The following CNTNAP5 variants were observed in gnomAD, a reference collection of about 807,000 sequenced individuals.
CNTNAP5 encodes the protein contactin associated protein family member 5.
A neutral mutation model predicts 150.2 loss-of-function variants in CNTNAP5; 72 were observed. The ratio of observed to expected loss-of-function variants is 0.48; its 90% CI spans 0.40 to 0.58. The LOEUF (loss-of-function observed/expected upper bound fraction) is 0.58. Among genes scored for constraint, CNTNAP5 ranks in the 20% least tolerant of loss-of-function variants. The pLI, the probability that CNTNAP5 is intolerant of heterozygous loss-of-function variation, is 0.00. For missense variants in CNTNAP5, 1,636 were observed against 1,626.2 expected (o/e 1.01, Z -0.10); for synonymous variants, 672 against 619.8 (o/e 1.08, Z -1.25).
intron 1 of CNTNAP5, among the ~76,000 whole-genome samples, chr2:124,212,794 T>G (rs1455745094): frequency 6.6e-6 from 1 of 151,074 alleles, no homozygotes; most frequent in Non-Finnish European, 1.5e-5. Flanking sequence ...TTCCTTAACT[T>G]AGGCTTGGCT....
At chr2:124,026,987 C>A (rs544923646) in intron 1 of CNTNAP5, among the ~76,000 whole-genome samples, 2 of 152,132 alleles carry the variant, frequency 1.3e-5, no homozygotes, top group Non-Finnish European at 2.9e-5. Flanking sequence ...TGTCTGTGGT[C>A]GGAAGTTTTG....
chr2:124,544,095 G>C (rs1695454605), intron 10 of CNTNAP5, among the ~76,000 whole-genome samples: 1 of 152,030 alleles, frequency 6.6e-6, no homozygotes, highest in African/African-American at 2.4e-5. Context: ...GAGTTGGCAA[G>C]TATCTTCCAC....
intron 1 of CNTNAP5, among the ~76,000 whole-genome samples, chr2:124,177,115 T>C (rs1685084645): frequency 6.6e-6 from 1 of 152,138 alleles, no homozygotes. Flanking sequence ...CCCAGATTGA[T>C]GGGACTATAG....
At chr2:124,904,149 C>T (rs1365289094) in intron 22 of CNTNAP5, among the ~76,000 whole-genome samples, 1 of 151,524 alleles carries the variant, frequency 6.6e-6, no homozygotes, top group Non-Finnish European at 1.5e-5. Flanking sequence ...CTGCACACAC[C>T]AGCTCCTGAC....
At chr2:124,616,500 C>T (rs867785815) in intron 12 of CNTNAP5, among the ~76,000 whole-genome samples, 42 of 152,292 alleles carry the variant, frequency 2.8e-4, no homozygotes, top group African/African-American at 9.6e-4. Context: ...ATCTTCTATT[C>T]AGCAGCTAAA....
At chr2:124,901,326 G>T (rs1237953939) in intron 21 of CNTNAP5, among the ~76,000 whole-genome samples, 1 of 151,480 alleles carries the variant, frequency 6.6e-6, no homozygotes, top group East Asian at 1.9e-4. Context: ...TTGCTCATCA[G>T]CTGTATTTGA....
chr2:124,304,652 A>T (rs957666312), intron 3 of CNTNAP5, among the ~76,000 whole-genome samples: 27 of 152,194 alleles, frequency 1.8e-4, no homozygotes, highest in African/African-American at 6.5e-4. Context: ...AAGAGACAAG[A>T]ACAGTGATGA....
intron 23 of CNTNAP5, 130 bp from the exon 24 acceptor site, chr2:124,913,962 G>T: frequency 1.6e-6 from 1 of 609,314 alleles, no homozygotes; most frequent in South Asian, 2.6e-5. Flanking sequence ...AGGTGGCAGA[G>T]TTGCGTTTGT....
intron 19 of CNTNAP5, among the ~76,000 whole-genome samples, chr2:124,852,033 A>C (rs2104704262): frequency 6.6e-6 from 1 of 152,302 alleles, no homozygotes; most frequent in South Asian, 2.1e-4. Context: ...AAAGGAGTTA[A>C]GAGCTCTGAG....
At position 124,868,537 on chromosome 2, in the gene CNTNAP5, A is replaced by G. The variant is rs374132789; in HGVS notation, c.3349-1138A>G. 6.3e-4 allele frequency among the ~76,000 whole-genome samples: 96 copies of G among 152,240 alleles called. 1 individual carries two copies. The highest frequency in any genetic ancestry group is 3.4e-3 in the Middle Eastern group (1 of 294). ...CATCTCTGATCAGCTTATTTAATAG[A>G]GCAACCTATTTCCTTGACGTCAACC... On this transcript the variant is annotated intron_variant, in intron 20 of 23. Coordinates refer to ENST00000682447, the MANE Select transcript of CNTNAP5 (RefSeq NM_001367498.1).
chr2:124,506,841 A>G (rs1268918675), intron 8 of CNTNAP5, among the ~76,000 whole-genome samples: 1 of 152,188 alleles, frequency 6.6e-6, no homozygotes, highest in African/African-American at 2.4e-5. Context: ...TGAATTGCCA[A>G]TGGGGACTGA....
intron 2 of CNTNAP5, among the ~76,000 whole-genome samples, chr2:124,237,015 G>C (rs937990190): frequency 5.9e-5 from 9 of 152,206 alleles, no homozygotes; most frequent in African/African-American, 1.9e-4. Flanking sequence ...TGTAATCCCA[G>C]CTTCTCAGGA....
At chr2:124,828,042 G>C (rs1257343752) in intron 19 of CNTNAP5, among the ~76,000 whole-genome samples, 1 of 152,204 alleles carries the variant, frequency 6.6e-6, no homozygotes, top group Non-Finnish European at 1.5e-5. Flanking sequence ...GCCATGGACA[G>C]GGATGTCAGC....
At chr2:124,494,110 G>A (rs1694095530) in intron 7 of CNTNAP5, among the ~76,000 whole-genome samples, 1 of 145,072 alleles carries the variant, frequency 6.9e-6, no homozygotes, top group Non-Finnish European at 1.5e-5. Context: ...GTGTGTGTGG[G>A]TGGGGGGGTA....
intron 3 of CNTNAP5, among the ~76,000 whole-genome samples, chr2:124,358,065 A>G (rs1690072607): frequency 6.6e-6 from 1 of 152,042 alleles, no homozygotes; most frequent in Non-Finnish European, 1.5e-5. Context: ...TTCTCTTTGA[A>G]GCAACTGTGA....
chr2:124,483,006 C>CT lies in CNTNAP5; in HGVS notation c.1062+8125dup, dbSNP rs1476519871. Among the ~76,000 whole-genome samples, 4 of 152,330 alleles carry CT rather than the reference C, an allele frequency of 2.6e-5. No individual in the cohort carries two copies. In the East Asian group the frequency reaches 7.7e-4, roughly 29 times the overall value. On this transcript the variant is annotated intron_variant, in intron 7 of 23. Transcript: ENST00000682447. ...TTTCTAACCAGACCCGGATTACTCG[C>CT]TGTTTCTGGAATTCACTCCTTGCAC...
chr2:124,106,828 T>A (rs906993153), intron 1 of CNTNAP5, among the ~76,000 whole-genome samples: 10 of 152,108 alleles, frequency 6.6e-5, no homozygotes, highest in African/African-American at 1.9e-4. Context: ...GCTGGAGCCA[T>A]CGTATGGGAC....
intron 19 of CNTNAP5, among the ~76,000 whole-genome samples, chr2:124,818,628 C>A (rs1682419490): frequency 6.6e-6 from 1 of 152,172 alleles, no homozygotes; most frequent in African/African-American, 2.4e-5. Flanking sequence ...GACCACCTCA[C>A]CCCTGCAGGC....
intron 23 of CNTNAP5, 61 bp downstream of exon 23, chr2:124,911,599 G>A: frequency 7.6e-7 from 1 of 1,322,930 alleles, no homozygotes. Context: ...TCTGGAGAAA[G>A]TTATCTGAAG....
Sources: allele counts gnomAD v4.1 joint callset (sites outside exome capture counted in the v4.1 genomes callset), GRCh38; gene constraint gnomAD v4.1.1; transcripts MANE v1.5; gene names NCBI Gene and HGNC (gene_info 2026-07-23, HGNC 2026-07-21).